Variants in ACYP2 observed in about 807,000 individuals in gnomAD.
ACYP2 encodes acylphosphatase 2.
ACYP2 carries 12 observed loss-of-function variants against 11.2 expected under a neutral mutation model. The observed-to-expected ratio is 1.08, with a 90% CI of 0.69 to 1.74. The LOEUF is 1.74. ACYP2 is among the 40% of genes most tolerant of loss of function. ACYP2 has a pLI of 0.00. For synonymous variants in ACYP2, 43 were observed against 32.2 expected (o/e 1.33, Z -1.13); for missense variants, 134 against 101.9 (o/e 1.31, Z -1.35).
At chr2:54,284,615 C>T (rs1489412755) in intron 6 of ACYP2, among the ~76,000 whole-genome samples, 2 of 152,098 alleles carry the variant, frequency 1.3e-5, no homozygotes, top group African/African-American at 4.8e-5. Flanking sequence ...TTCCCATAGG[C>T]ACACAAATAT....
intron 6 of ACYP2, among the ~76,000 whole-genome samples, chr2:54,294,737 C>A (rs1313702530): frequency 6.6e-6 from 1 of 151,262 alleles, no homozygotes; most frequent in East Asian, 1.9e-4. Flanking sequence ...ATAGTGAGAC[C>A]CCATCTCTAC....
chr2:54,049,186 G>A (rs778079134), intron 2 of ACYP2, among the ~76,000 whole-genome samples: 5 of 152,006 alleles, frequency 3.3e-5, no homozygotes, highest in East Asian at 1.9e-4. Context: ...GCTTGAACCC[G>A]GGAGGCGGAG....
chr2:54,165,534 C>G (rs1488426171), intron 6 of ACYP2, among the ~76,000 whole-genome samples: 1 of 125,280 alleles, frequency 8.0e-6, no homozygotes, highest in Non-Finnish European at 1.7e-5. Flanking sequence ...CTCTCTCTCT[C>G]TCACACACAC....
intron 4 of ACYP2, among the ~76,000 whole-genome samples, chr2:54,134,925 C>T (rs1681133611): frequency 6.6e-6 from 1 of 152,258 alleles, no homozygotes; most frequent in Non-Finnish European, 1.5e-5. Flanking sequence ...TTCACAGTTT[C>T]ATGGACAGAA....
At chr2:53,991,038 C>T (rs1437100885) in intron 2 of ACYP2, among the ~76,000 whole-genome samples, 3 of 152,280 alleles carry the variant, frequency 2.0e-5, no homozygotes, top group South Asian at 2.1e-4. Context: ...CCTTGTGATC[C>T]GCCCGCCTGG....
intron 4 of ACYP2, among the ~76,000 whole-genome samples, chr2:54,127,160 C>T (rs1680566795): frequency 1.4e-5 from 2 of 145,816 alleles, no homozygotes; most frequent in South Asian, 2.2e-4. Context: ...CCGTATTCTA[C>T]ATGGCACTGC....
chr2:54,026,133 G>A lies in ACYP2; in HGVS notation c.63-24825G>A, dbSNP rs549818888. Among the ~76,000 whole-genome samples, 15 of 152,124 alleles carry A rather than the reference G, an allele frequency of 9.9e-5. No individual in the cohort carries two copies. In the South Asian group the frequency reaches 3.1e-3, roughly 32 times the overall value. ...CTCTGTCTCAACAAACAAACAAACA[G>A]ATAGACAATCCACAGTGTGGGAGAA... On this transcript the variant is annotated intron_variant, in intron 2 of 6. Transcript: ENST00000607452.
chr2:54,092,029 G>A (rs1678262290), intron 4 of ACYP2, among the ~76,000 whole-genome samples: 2 of 152,158 alleles, frequency 1.3e-5, no homozygotes, highest in Non-Finnish European at 1.5e-5. Flanking sequence ...AGCCATTTAG[G>A]AGGGAGACTT....
intron 2 of ACYP2, among the ~76,000 whole-genome samples, chr2:54,018,620 C>G (rs1377277814): frequency 6.6e-6 from 1 of 152,100 alleles, no homozygotes; most frequent in South Asian, 2.1e-4. Flanking sequence ...TGAGAACAAT[C>G]TGGACAACAT....
Position 54,090,161 on chromosome 2 carries a change from T to C in ACYP2, c.277+32801T>C, listed in dbSNP as rs564545268. Among the ~76,000 whole-genome samples, 10 of 151,858 alleles carry C rather than the reference T, an allele frequency of 6.6e-5. No individual in the cohort carries two copies. In the South Asian group the frequency reaches 2.1e-3, roughly 32 times the overall value. On this transcript the variant is annotated intron_variant, in intron 4 of 6. Transcript: ENST00000607452. ...CTCCGTCTCAAAAAAAAAAAAAAGT[T>C]TGCCCATGTGTTCTTCACTGTCTAA...
chr2:54,255,390 A>G, intron 6 of ACYP2: 1 of 1,614,026 alleles, frequency 6.2e-7, no homozygotes, highest in Non-Finnish European at 8.5e-7. Context: ...GGCGGAAAGC[A>G]GTGACCCAGA....
At chr2:54,190,684 G>C (rs1684203290) in intron 6 of ACYP2, among the ~76,000 whole-genome samples, 1 of 151,968 alleles carries the variant, frequency 6.6e-6, no homozygotes, top group Admixed American at 6.6e-5. Context: ...AGCGTATAGT[G>C]CTTTTCTCCC....
chr2:54,184,861 T>TC (rs536574659), intron 6 of ACYP2, among the ~76,000 whole-genome samples: 3,320 of 151,362 alleles, frequency 0.022, 53 homozygotes, highest in Non-Finnish European at 0.026. Context: ...TTTTTTTTTT[T>TC]TGGAGACAAG....
chr2:54,029,468 T>C (rs925524729), intron 2 of ACYP2: 2 of 322,896 alleles, frequency 6.2e-6, no homozygotes, highest in Non-Finnish European at 1.2e-5. Flanking sequence ...CACACATATA[T>C]GTGTATATAT....
chr2:54,169,326 A>T (rs1438466020), intron 6 of ACYP2, among the ~76,000 whole-genome samples: 2 of 152,148 alleles, frequency 1.3e-5, no homozygotes, highest in Admixed American at 6.6e-5. Flanking sequence ...GAGCACACCC[A>T]TGAGAGCCTC....
At position 54,197,942 on chromosome 2, in the gene ACYP2, A is replaced by ATATTGTATTGTATTGTATTGTATTG. The variant is rs141209640; in HGVS notation, c.404+59264_404+59288dup. On this transcript the variant is annotated intron_variant, in intron 6 of 6. Transcript: ENST00000607452. The stretch of plus-strand genomic sequence containing the variant: ...ATTTTATTTTATTTATGTATGTATT[A>ATATTGTATTGTATTGTATTGTATTG]TATTGTATTGTATTGTATTGTATTG... 5.8e-4 allele frequency among the ~76,000 whole-genome samples: 40 copies of ATATTGTATTGTATTGTATTGTATTG among 69,552 alleles called. 1 individual carries two copies. In the East Asian group the frequency reaches 6.9e-3, roughly 12 times the overall value. 45.6% of individuals were successfully genotyped at this position (69,552 alleles called of 152,430 possible).
intron 3 of ACYP2, among the ~76,000 whole-genome samples, chr2:54,054,536 A>C (rs932967971): frequency 3.3e-5 from 5 of 152,184 alleles, no homozygotes; most frequent in African/African-American, 1.2e-4. Flanking sequence ...TCTCGATTTT[A>C]CTTAGCTGTG....
chr2:54,227,045 C>T (rs749869677), intron 6 of ACYP2, among the ~76,000 whole-genome samples: 2 of 152,068 alleles, frequency 1.3e-5, no homozygotes, highest in Admixed American at 6.6e-5. Context: ...ATTCTGAAGA[C>T]GTATCTGCAA....
In ACYP2 at chr2:54,255,971, G is replaced by A. The variant is rs781215804; in HGVS notation, c.405-48717G>A. The A allele has an allele frequency of 1.1e-5, 17 of 1,613,984 alleles. No homozygotes were observed. The East Asian group carries it at 3.6e-4, about 34-fold the overall frequency. On this transcript the variant is annotated intron_variant, in intron 6 of 6. Transcript: ENST00000607452. Reference sequence around the variant, plus strand: ...TGGCCACCATCTGCGGGATCCTGGGGCGCGACCCCCTCCTCTGGAAGCCGG... The same window carrying A: ...TGGCCACCATCTGCGGGATCCTGGGACGCGACCCCCTCCTCTGGAAGCCGG...
Sources: gnomAD v4.1 joint callset for allele counts (sites outside exome capture counted in the v4.1 genomes callset) on GRCh38, gnomAD v4.1.1 for gene constraint, MANE v1.5 for transcripts, NCBI Gene and HGNC (gene_info 2026-07-23, HGNC 2026-07-21) for gene names.